Variants in VRK1 observed in about 807,000 individuals in gnomAD.
VRK1 encodes the protein VRK serine/threonine kinase 1, also known as serine/threonine-protein kinase VRK1.
A neutral mutation model predicts 57.1 loss-of-function variants in VRK1; 33 were observed. The observed-to-expected ratio is 0.58, with a 90% CI of 0.44 to 0.77. VRK1 has a LOEUF of 0.77. VRK1 is among the 30% of genes least tolerant of loss of function. VRK1 has a pLI of 0.00. For synonymous variants in VRK1, 137 were observed against 147.8 expected, an observed-to-expected ratio of 0.93 and a Z score of 0.53; for missense variants, 413 against 477.3, an observed-to-expected ratio of 0.87 and a Z score of 1.25.
intron 1 of VRK1, among the ~76,000 whole-genome samples, chr14:96,823,634 G>T (rs1886688333): frequency 6.6e-6 from 1 of 152,112 alleles, no homozygotes; most frequent in Non-Finnish European, 1.5e-5. Context: ...ATTGTGATAA[G>T]AAACATAGAA....
intron 1 of VRK1, among the ~76,000 whole-genome samples, chr14:96,800,767 A>G (rs1286640996): frequency 6.6e-6 from 1 of 152,142 alleles, no homozygotes; most frequent in African/African-American, 2.4e-5. Flanking sequence ...CACACTGGCA[A>G]ATATTTAAGA....
At chr14:96,861,994 G>A (rs1200149929) in intron 11 of VRK1, among the ~76,000 whole-genome samples, 1 of 152,176 alleles carries the variant, frequency 6.6e-6, no homozygotes, top group Non-Finnish European at 1.5e-5. Flanking sequence ...CTTGTATAGT[G>A]TTTTTCTCTA....
At chr14:96,850,850 C>T (rs1397389083) in intron 5 of VRK1, among the ~76,000 whole-genome samples, 1 of 152,210 alleles carries the variant, frequency 6.6e-6, no homozygotes, top group African/African-American at 2.4e-5. Context: ...CAAAATGCTC[C>T]AGTGAGCATT....
intron 7 of VRK1, among the ~76,000 whole-genome samples, 176 bp from the exon 8 acceptor site, chr14:96,855,048 T>G (rs1417625746): frequency 2.0e-5 from 3 of 152,222 alleles, no homozygotes; most frequent in African/African-American, 7.2e-5. Flanking sequence ...TAAAAAGCCT[T>G]TCAGAATTAA....
At chr14:96,878,193 A>T (rs1889117109) in intron 12 of VRK1, among the ~76,000 whole-genome samples, 1 of 152,344 alleles carries the variant, frequency 6.6e-6, no homozygotes. Flanking sequence ...ATCTGATGGT[A>T]AAATATTATT....
chr14:96,876,033 C>T lies in VRK1; in HGVS notation c.1072C>T (p.Arg358Ter), dbSNP rs137853063. The change falls in exon 12 of 13, where the codon CGA becomes TGA. Residue 358 changes from arginine to a stop codon, truncating the protein, a stop_gained. Coordinates refer to ENST00000216639, the MANE Select transcript of VRK1 (RefSeq NM_003384.3). LOFTEE classifies it high-confidence loss of function. Reference sequence around the variant, plus strand: ...TCTCTTTAATTTTATATGTAAGAAGCGAAAGAAAGAAATTGAAGAAAGCAA... The same window carrying T: ...TCTCTTTAATTTTATATGTAAGAAGTGAAAGAAAGAAATTGAAGAAAGCAA... ...GLKAKTITKK[R>*]KKEIEESKEP... The T allele has an allele frequency of 4.5e-5, 73 of 1,612,232 alleles. No individual in the cohort carries two copies. Among genetic ancestry groups the T allele is most frequent in the Non-Finnish European group, 2.2e-5 (26 of 1,179,106 alleles).
intron 1 of VRK1, among the ~76,000 whole-genome samples, chr14:96,804,984 C>T (rs1885813598): frequency 6.6e-6 from 1 of 152,152 alleles, no homozygotes; most frequent in Non-Finnish European, 1.5e-5. Flanking sequence ...TCCGTTGGCT[C>T]ATTGTTGATG....
At position 96,853,164 on chromosome 14, in the gene VRK1, C is replaced by A; in HGVS notation, c.574C>A (p.Gln192Lys). ...NLLLNYKNPD[Q>K]VYLVDYGLAY... ...TCTTCTGAACTACAAGAATCCTGAC[C>A]AGGTAGTTTTATAACTTTAATTTCT... Residue 192 changes from glutamine (Q) to lysine (K), a missense_variant and splice_region_variant, in exon 7 of 13, where the codon CAG (glutamine) becomes AAG (lysine). Physicochemically the swap from Gln to Lys is moderately conservative, Grantham distance 53. Coordinates refer to ENST00000216639, the MANE Select transcript of VRK1 (RefSeq NM_003384.3). 2 of 1,612,258 alleles carry A rather than the reference C, an allele frequency of 1.2e-6. No individual in the cohort carries two copies. Among genetic ancestry groups the A allele is most frequent in the Non-Finnish European group, 1.7e-6 (2 of 1,178,690 alleles).
At chr14:96,870,153 C>T (rs1458166861) in intron 11 of VRK1, among the ~76,000 whole-genome samples, 1 of 152,022 alleles carries the variant, frequency 6.6e-6, no homozygotes, top group Non-Finnish European at 1.5e-5. Flanking sequence ...TCTTTCAGGA[C>T]CTTTAAATTA....
At chr14:96,868,648 A>G (rs1209917321) in intron 11 of VRK1, among the ~76,000 whole-genome samples, 1 of 152,222 alleles carries the variant, frequency 6.6e-6, no homozygotes, top group African/African-American at 2.4e-5. Flanking sequence ...TTGGTGTCAT[A>G]TAAATGTCTT....
chr14:96,828,804 TA>T (rs941711570), intron 1 of VRK1, among the ~76,000 whole-genome samples: 5 of 152,212 alleles, frequency 3.3e-5, no homozygotes, highest in African/African-American at 4.8e-5. Context: ...AAGTATTTAT[TA>T]GTACACTGCC....
At chr14:96,839,084 G>GT (rs555020075) in intron 3 of VRK1, among the ~76,000 whole-genome samples, 8,309 of 112,306 alleles carry the variant, frequency 0.074, 348 homozygotes, top group African/African-American at 0.082. Context: ...CTTGTCTTGA[G>GT]TTTTTTTTTT....
rs1269333712 is a variant in VRK1, at chr14:96,805,201, CCAG to C, written c.-6+7756_-6+7758del. ...AGAACTATACAGAGAATGATGATGA[CCAG>C]CTGTTCTTCAAAATCCTGAGGACTG... On this transcript the variant is annotated intron_variant, in intron 1 of 12. Coordinates refer to ENST00000216639, the MANE Select transcript of VRK1 (RefSeq NM_003384.3). Among the ~76,000 whole-genome samples, 4 of 152,272 alleles carry C rather than the reference CCAG, an allele frequency of 2.6e-5. No individual in the cohort carries two copies. In the South Asian group the frequency reaches 6.2e-4, roughly 24 times the overall value.
chr14:96,855,172 ATATGTGCAGTG>A (rs1888102557), intron 7 of VRK1, 41 bp from the exon 8 acceptor site: 2 of 1,613,266 alleles, frequency 1.2e-6, no homozygotes, highest in African/African-American at 2.7e-5. Context: ...TTAAAGGGTT[ATATGTGCAGTG>A]ATTTTGACTT....
intron 12 of VRK1, among the ~76,000 whole-genome samples, chr14:96,876,897 C>T (rs372140327): frequency 2.0e-4 from 30 of 152,138 alleles, no homozygotes; most frequent in African/African-American, 7.2e-4. Context: ...TTAGCAAAGG[C>T]AGCATCTGCA....
intron 1 of VRK1, among the ~76,000 whole-genome samples, chr14:96,823,655 C>T (rs1364656533): frequency 6.6e-6 from 1 of 152,166 alleles, no homozygotes; most frequent in Non-Finnish European, 1.5e-5. Context: ...GATTTCCCAT[C>T]TTAACCATTT....
At chr14:96,847,160 A>T in intron 4 of VRK1, 97 bp from the exon 5 acceptor site, 2 of 885,126 alleles carry the variant, frequency 2.3e-6, no homozygotes, top group South Asian at 1.5e-5. Context: ...GTGAATTCTT[A>T]TTGCATGTAT....
At chr14:96,876,147 C>T (rs751391761) in intron 12 of VRK1, 27 bp downstream of exon 12, 2 of 1,608,350 alleles carry the variant, frequency 1.2e-6, no homozygotes, top group South Asian at 1.1e-5. Flanking sequence ...TGCCTAGCTG[C>T]TTTCATAGGT....
intron 1 of VRK1, among the ~76,000 whole-genome samples, chr14:96,818,720 G>A (rs2139713087): frequency 6.6e-6 from 1 of 152,064 alleles, no homozygotes; most frequent in South Asian, 2.1e-4. Flanking sequence ...GTGAAACCTG[G>A]GGACAGATTG....
Sources: gnomAD v4.1 joint callset for allele counts (sites outside exome capture counted in the v4.1 genomes callset) on GRCh38, gnomAD v4.1.1 for gene constraint, MANE v1.5 for transcripts, NCBI Gene and HGNC (gene_info 2026-07-23, HGNC 2026-07-21) for gene names.